The following NDUFA5 variants were observed in gnomAD, a reference collection of about 807,000 sequenced individuals.
The protein encoded by NDUFA5 is NADH:ubiquinone oxidoreductase subunit A5.
NDUFA5 carries 11 observed loss-of-function variants against 19.8 expected under a neutral mutation model. The observed-to-expected ratio is 0.56, with a 90% confidence interval of 0.35 to 0.92. The LOEUF is 0.92. Among genes scored for constraint, NDUFA5 ranks in the 40% least tolerant of loss-of-function variants. The pLI is 0.01. For missense variants in NDUFA5, 109 were observed against 134.2 expected (o/e 0.81, Z 0.93); for synonymous variants, 47 against 46.8 (o/e 1.00, Z -0.01).
chr7:123,589,011 T>C, the NDUFA5 span, among the ~76,000 whole-genome samples: 4 of 152,006 alleles, frequency 2.6e-5, no homozygotes, highest in East Asian at 5.8e-4. Context: ...GAATATTCTA[T>C]GTCCATTGAT....
chr7:123,574,548 A>C, the NDUFA5 span, among the ~76,000 whole-genome samples: 9 of 152,174 alleles, frequency 5.9e-5, no homozygotes, highest in Non-Finnish European at 1.3e-4. Context: ...CTAGTTAAAA[A>C]CACTGTTTAC....
Position 123,545,592 on chromosome 7 carries a change from T to C in NDUFA5, c.249+19A>G. ...GTCTCTATGAAACCAAACACCTAAA[T>C]AGTCAACTTTTTCTTTACCTGAAGA... On this transcript the variant is annotated intron_variant, in intron 4 of 4. Coordinates refer to ENST00000355749, the MANE Select transcript of NDUFA5 (RefSeq NM_005000.5). 6.2e-7 allele frequency: 1 copy of C among 1,602,706 alleles called. No individual in the cohort carries two copies. The highest frequency in any genetic ancestry group is 1.1e-5 in the South Asian group (1 of 90,144).
chr7:123,586,499 T>C, the NDUFA5 span, among the ~76,000 whole-genome samples: 1 of 151,788 alleles, frequency 6.6e-6, no homozygotes, highest in African/African-American at 2.4e-5. Context: ...ATTTTCTCCC[T>C]TGGTTGCATT....
the NDUFA5 span, among the ~76,000 whole-genome samples, chr7:123,570,217 T>C: frequency 1.1e-4 from 17 of 152,018 alleles, no homozygotes; most frequent in South Asian, 2.1e-4. Context: ...TTGTATTTTT[T>C]AGTAGAGACG....
chr7:123,550,217 G>A (rs1798282083), intron 3 of NDUFA5: 1 of 345,580 alleles, frequency 2.9e-6, no homozygotes, highest in Non-Finnish European at 5.2e-6. Context: ...GTGAAGAGAG[G>A]TAAAAGGAAC....
chr7:123,581,346 A>G, the NDUFA5 span, among the ~76,000 whole-genome samples: 1 of 149,038 alleles, frequency 6.7e-6, no homozygotes, highest in Non-Finnish European at 1.5e-5. Context: ...TCATTTTACT[A>G]TTTGCCCTTC....
At chr7:123,588,761 G>A in the NDUFA5 span, among the ~76,000 whole-genome samples, 2 of 151,252 alleles carry the variant, frequency 1.3e-5, no homozygotes, top group African/African-American at 4.8e-5. Flanking sequence ...GAGTTTGGGT[G>A]TGTTCTATGT....
At chr7:123,547,249 T>C (rs987932898) in intron 3 of NDUFA5, among the ~76,000 whole-genome samples, 2 of 152,174 alleles carry the variant, frequency 1.3e-5, no homozygotes, top group Non-Finnish European at 2.9e-5. Context: ...GCCACCAAGT[T>C]TGTGGGAATA....
chr7:123,563,255 T>A, the NDUFA5 span, among the ~76,000 whole-genome samples: 1 of 152,226 alleles, frequency 6.6e-6, no homozygotes, highest in Admixed American at 6.5e-5. Flanking sequence ...CTAAGCTTAA[T>A]CGTTTCTAAC....
chr7:123,545,587 CTAAA>C lies in NDUFA5; in HGVS notation c.249+20_249+23del, dbSNP rs780983956. 5 of 1,595,110 alleles carry C rather than the reference CTAAA, an allele frequency of 3.1e-6. No homozygotes were observed. The highest frequency in any genetic ancestry group is 1.7e-4 in the Middle Eastern group (1 of 5,962). On this transcript the variant is annotated intron_variant, in intron 4 of 4. Transcript: ENST00000355749. ...TGTGTGTCTCTATGAAACCAAACAC[CTAAA>C]TAGTCAACTTTTTCTTTACCTGAAG...
the NDUFA5 span, among the ~76,000 whole-genome samples, chr7:123,567,468 G>C: frequency 1.3e-5 from 2 of 152,192 alleles, no homozygotes; most frequent in African/African-American, 2.4e-5. Flanking sequence ...AAGAGCTCTT[G>C]TTTATCCAAA....
chr7:123,551,140 A>C (rs575303018), intron 2 of NDUFA5, among the ~76,000 whole-genome samples: 97 of 152,094 alleles, frequency 6.4e-4, no homozygotes, highest in African/African-American at 2.3e-3. Flanking sequence ...CTGGTCAGAA[A>C]CAAAACAACT....
chr7:123,581,363 A>C, the NDUFA5 span, among the ~76,000 whole-genome samples: 2 of 149,918 alleles, frequency 1.3e-5, no homozygotes, highest in South Asian at 2.2e-4. Context: ...CTTCTTGGGC[A>C]TTGTGAGAGT....
At chr7:123,566,706 A>G in the NDUFA5 span, among the ~76,000 whole-genome samples, 3 of 152,248 alleles carry the variant, frequency 2.0e-5, no homozygotes, top group Non-Finnish European at 4.4e-5. Context: ...ATAAATATAA[A>G]GAAACTATTA....
At position 123,557,760 on chromosome 7, in the gene NDUFA5, C is replaced by T. The variant is rs1798617961; in HGVS notation, c.21+15G>A. On this transcript the variant is annotated intron_variant, in intron 1 of 4. Coordinates refer to ENST00000355749, the MANE Select transcript of NDUFA5 (RefSeq NM_005000.5). The stretch of plus-strand genomic sequence containing the variant: ...CCACAGTCTAAATTCCAACAGTGAC[C>T]TCCATTCGTCTCACCTTCTTCAGCA... 2.5e-6 allele frequency: 4 copies of T among 1,613,844 alleles called. No homozygotes were observed. The highest frequency in any genetic ancestry group is 2.7e-5 in the African/African-American group (2 of 74,856).
At chr7:123,584,387 G>A in the NDUFA5 span, among the ~76,000 whole-genome samples, 3 of 151,610 alleles carry the variant, frequency 2.0e-5, no homozygotes, top group Admixed American at 6.6e-5. Context: ...GAGTATCTGA[G>A]GGAGGCGGCT....
At chr7:123,549,783 C>T (rs1365436918) in intron 3 of NDUFA5, among the ~76,000 whole-genome samples, 1 of 152,080 alleles carries the variant, frequency 6.6e-6, no homozygotes, top group Non-Finnish European at 1.5e-5. Flanking sequence ...TCATATAATA[C>T]AATACAAAAT....
chr7:123,566,407 T>C, the NDUFA5 span, among the ~76,000 whole-genome samples: 2 of 152,220 alleles, frequency 1.3e-5, no homozygotes, highest in East Asian at 3.9e-4. Flanking sequence ...GTGGCACTTT[T>C]GTTATAGCAA....
chr7:123,600,369 G>A, the NDUFA5 span, among the ~76,000 whole-genome samples: 1 of 152,038 alleles, frequency 6.6e-6, no homozygotes, highest in South Asian at 2.1e-4. Context: ...GGATAAAACA[G>A]GCATACCATC....
Sources: gnomAD v4.1 joint callset for allele counts (sites outside exome capture counted in the v4.1 genomes callset) on GRCh38, gnomAD v4.1.1 for gene constraint, MANE v1.5 for transcripts, NCBI Gene and HGNC (gene_info 2026-07-23, HGNC 2026-07-21) for gene names.